CCNC: variants seen among roughly 807,000 people sequenced by gnomAD.
CCNC encodes the protein cyclin-C.
In CCNC, 19 loss-of-function variants were observed where a neutral mutation model predicts 50.0. The ratio of observed to expected loss-of-function variants is 0.38; its 90% CI spans 0.27 to 0.56. The LOEUF is 0.56. Among genes scored for constraint, CCNC ranks in the 20% least tolerant of loss-of-function variants. The pLI is 0.72. For synonymous variants in CCNC, 93 were observed against 103.7 expected (o/e 0.90, Z 0.63); for missense variants, 200 against 327.1 (o/e 0.61, Z 3.00).
At chr6:99,544,025 A>C (rs1215570321) in intron 11 of CCNC, 2 of 1,242,546 alleles carry the variant, frequency 1.6e-6, no homozygotes, top group Non-Finnish European at 1.0e-6. Context: ...AAAAAAAAAA[A>C]AAAACCAAAA....
At chr6:99,554,668 TTTC>T (rs1454089065) in intron 5 of CCNC, among the ~76,000 whole-genome samples, 1 of 152,234 alleles carries the variant, frequency 6.6e-6, no homozygotes, top group Non-Finnish European at 1.5e-5. Context: ...CGTTTTTGTT[TTTC>T]TTGTTTGTTT....
chr6:99,551,114 T>C (rs1488089228), intron 6 of CCNC, 86 bp from the exon 7 acceptor site: 7 of 651,070 alleles, frequency 1.1e-5, no homozygotes, highest in Non-Finnish European at 1.5e-5. Flanking sequence ...TTACAGACAT[T>C]ATAGTAATTT....
intron 9 of CCNC, among the ~76,000 whole-genome samples, chr6:99,547,542 G>GA (rs1396977083): frequency 2.6e-5 from 4 of 152,008 alleles, no homozygotes; most frequent in African/African-American, 9.7e-5. Flanking sequence ...ATTGGGAGAC[G>GA]AATTTGGCTA....
intron 1 of CCNC, among the ~76,000 whole-genome samples, chr6:99,564,875 T>C (rs566761620): frequency 2.9e-4 from 44 of 152,268 alleles, no homozygotes; most frequent in African/African-American, 1.0e-3. Flanking sequence ...CTAATACCCT[T>C]AAGAGCTTTT....
intron 10 of CCNC, 82 bp downstream of exon 10, chr6:99,546,313 C>G: frequency 1.1e-6 from 1 of 869,774 alleles, no homozygotes; most frequent in African/African-American, 1.7e-5. Context: ...GCCTGGTGGA[C>G]ATCACAAGAT....
intron 1 of CCNC, chr6:99,567,188 T>C: frequency 6.2e-6 from 1 of 160,110 alleles, no homozygotes; most frequent in South Asian, 1.4e-4. Flanking sequence ...CAGGATCTTT[T>C]TTTTTTAAGT....
chr6:99,546,925 C>A (rs1338165445), intron 9 of CCNC, among the ~76,000 whole-genome samples: 2 of 152,170 alleles, frequency 1.3e-5, no homozygotes, highest in Admixed American at 1.3e-4. Context: ...TGTTGCCTGG[C>A]CTTTTTTCTT....
At position 99,566,857 on chromosome 6, in the gene CCNC, T is replaced by C. The variant is rs551088539; in HGVS notation, c.32+1639A>G. 1.3e-3 allele frequency: 536 copies of C among 419,900 alleles called. 2 individuals are homozygous for C. The highest frequency in any genetic ancestry group is 1.9e-3 in the Non-Finnish European group (393 of 210,864). The allele number at this position is 419,900 out of a possible 1,614,324, so 26.0% of individuals were successfully genotyped here. A position where few individuals can be genotyped will look rare whatever the true frequency, so the allele number is the denominator to read the frequency against. On this transcript the variant is annotated intron_variant, in intron 1 of 11. Transcript: ENST00000520429. ...ACGTGCATCTTAGAAGCATGAAATATAGCATATTTAATATCAATTGCCCTC... is the reference window on the plus strand; with the variant it reads ...ACGTGCATCTTAGAAGCATGAAATACAGCATATTTAATATCAATTGCCCTC...
intron 4 of CCNC, among the ~76,000 whole-genome samples, chr6:99,558,912 C>A (rs1802658802): frequency 6.6e-6 from 1 of 152,012 alleles, no homozygotes; most frequent in African/African-American, 2.4e-5. Context: ...TATTACCTCT[C>A]CCCCAAATTG....
rs924136239 is a variant in CCNC at position 99,543,812 on chromosome 6, G to A, written c.798-203C>T. 4 of 1,386,670 alleles carry A rather than the reference G, an allele frequency of 2.9e-6. No homozygotes were observed. The East Asian group carries it at 7.9e-5, about 27-fold the overall frequency. The allele number at this position is 1,386,670 out of a possible 1,614,324, so 85.9% of individuals were successfully genotyped here. A position where few individuals can be genotyped will look rare whatever the true frequency, so the allele number is the denominator to read the frequency against. On this transcript the variant is annotated intron_variant, in intron 11 of 11. Transcript: ENST00000520429. ...TATGTTTTTATTCTTATATAACTTT[G>A]TGCCCTCACATATAACAAGCATTCT...
intron 9 of CCNC, 58 bp downstream of exon 9, chr6:99,549,450 G>A: frequency 8.6e-7 from 1 of 1,157,920 alleles, no homozygotes; most frequent in Non-Finnish European, 1.3e-6. Flanking sequence ...TTTAGTTTAG[G>A]ATGACCTAAA....
At chr6:99,544,025 A>G (rs1215570321) in intron 11 of CCNC, 4 of 1,242,664 alleles carry the variant, frequency 3.2e-6, no homozygotes, top group African/African-American at 1.6e-5. Flanking sequence ...AAAAAAAAAA[A>G]AAAACCAAAA....
intron 9 of CCNC, among the ~76,000 whole-genome samples, chr6:99,547,140 T>C (rs1324183463): frequency 2.6e-5 from 4 of 152,202 alleles, no homozygotes; most frequent in Admixed American, 6.5e-5. Flanking sequence ...CTGAGCAGCC[T>C]GTATACCCTT....
intron 8 of CCNC, among the ~76,000 whole-genome samples, chr6:99,549,921 A>T (rs1461193751): frequency 2.0e-5 from 3 of 151,788 alleles, no homozygotes; most frequent in Non-Finnish European, 4.4e-5. Flanking sequence ...CAGACTACCA[A>T]AAAGTATTCT....
rs200408249 is a variant in CCNC, at chr6:99,561,674, T to C, written c.147A>G (p.Gln49=). The part of the protein sequence containing the change: ...KLQIFFTNVI[Q]ALGEHLKLRQ... ...TTAATTTAAGATGTTCACCTAATGCTTGGATAACTAAAAGGCAAATAATGA... is the reference window on the plus strand; with the variant it reads ...TTAATTTAAGATGTTCACCTAATGCCTGGATAACTAAAAGGCAAATAATGA... The change falls in exon 3 of 12, where the codon CAA becomes CAG. Residue 49 remains glutamine, a synonymous_variant. Coordinates refer to ENST00000520429, the MANE Select transcript of CCNC (RefSeq NM_005190.4). 2.8e-5 allele frequency: 45 copies of C among 1,598,208 alleles called. No individual in the cohort carries two copies. The highest frequency in any genetic ancestry group is 3.7e-5 in the Non-Finnish European group (43 of 1,166,560).
At chr6:99,544,149 A>G (rs1006823846) in intron 11 of CCNC, 23 of 1,491,556 alleles carry the variant, frequency 1.5e-5, no homozygotes, top group Admixed American at 2.3e-5. Flanking sequence ...AAAATGCTGA[A>G]TACTTAAAAA....
Position 99,549,356 on chromosome 6 carries a change from C to T in CCNC, c.598+152G>A, listed in dbSNP as rs1407035413. 1.7e-5 allele frequency: 12 copies of T among 686,892 alleles called. No individual in the cohort carries two copies. The East Asian group carries it at 2.8e-4, about 16-fold the overall frequency. 42.5% of individuals were successfully genotyped at this position (686,892 alleles called of 1,614,324 possible). A position where few individuals can be genotyped will look rare whatever the true frequency, so the allele number is the denominator to read the frequency against. ...TAATAATCCTGATTTATGACAGTTG[C>T]AGTTCATATTATTGAAAGCTCACAT... On this transcript the variant is annotated intron_variant, in intron 9 of 11. Coordinates refer to ENST00000520429, the MANE Select transcript of CCNC (RefSeq NM_005190.4).
Position 99,551,857 on chromosome 6 carries a change from G to A in CCNC, c.385C>T (p.Pro129Ser), listed in dbSNP as rs1482997458. ...RFSYAFPKEF[P>S]YRMNHILECE... ...ATACTTACATGATTCATCCTATAAG[G>A]AAATTCCTTTGGAAAGGCATATGAA... Residue 129 changes from proline (P) to serine (S), a missense_variant, in exon 6 of 12, where the codon CCT (proline) becomes TCT (serine). Transcript: ENST00000520429. 7.0e-7 allele frequency: 1 copy of A among 1,431,134 alleles called. No homozygotes were observed. The highest frequency in any genetic ancestry group is 9.4e-7 in the Non-Finnish European group (1 of 1,065,624). 88.7% of individuals were successfully genotyped at this position (1,431,134 alleles called of 1,614,324 possible). A position where few individuals can be genotyped will look rare whatever the true frequency, so the allele number is the denominator to read the frequency against.
intron 5 of CCNC, among the ~76,000 whole-genome samples, chr6:99,555,275 A>G (rs768092173): frequency 5.9e-5 from 9 of 152,152 alleles, no homozygotes; most frequent in Non-Finnish European, 5.9e-5. Context: ...TTTTTAATAT[A>G]GTTAGACTAT....
Sources: allele counts gnomAD v4.1 joint callset (sites outside exome capture counted in the v4.1 genomes callset), GRCh38; gene constraint gnomAD v4.1.1; transcripts MANE v1.5; gene names NCBI Gene and HGNC (gene_info 2026-07-23, HGNC 2026-07-21).